Variants in MMP28 observed in about 807,000 individuals in gnomAD.
MMP28 encodes matrix metallopeptidase 28.
Under a neutral mutation model 60.5 loss-of-function variants are expected in MMP28, and 55 were observed. The ratio of observed to expected loss-of-function variants is 0.91; its 90% CI spans 0.73 to 1.14. The LOEUF (loss-of-function observed/expected upper bound fraction) is 1.14. Among genes scored for constraint, MMP28 ranks in the 50% most tolerant of loss-of-function variants. The pLI is 0.00. For missense variants in MMP28, 686 were observed against 738.3 expected (o/e 0.93, Z 0.82); for synonymous variants, 318 against 312.5 (o/e 1.02, Z -0.18).
chr17:35,785,638 G>A (rs1437285302), intron 1 of MMP28, among the ~76,000 whole-genome samples: 2 of 152,054 alleles, frequency 1.3e-5, no homozygotes, highest in Non-Finnish European at 2.9e-5. Flanking sequence ...TAGTAGAGAT[G>A]GGGTTTCACC....
chr17:35,769,098 A>T (rs936080166), intron 5 of MMP28, among the ~76,000 whole-genome samples: 1 of 152,166 alleles, frequency 6.6e-6, no homozygotes, highest in Non-Finnish European at 1.5e-5. Context: ...AGAGTCCAAC[A>T]AGCTTATTAT....
chr17:35,792,647 C>T lies in MMP28; in HGVS notation c.111+2620G>A, dbSNP rs148671523. On this transcript the variant is annotated intron_variant, in intron 1 of 7. Transcript: ENST00000605424. ...TCTCTTTAGGAATTGCAGCTCTGTG[C>T]TGTCTGTTGTCCAATGCTGAAAATA... 5.3e-5 allele frequency among the ~76,000 whole-genome samples: 8 copies of T among 152,312 alleles called. No individual in the cohort carries two copies. In the East Asian group the frequency reaches 1.2e-3, roughly 22 times the overall value.
chr17:35,769,762 CG>C (rs1428363214), intron 5 of MMP28, among the ~76,000 whole-genome samples: 1 of 69,814 alleles, frequency 1.4e-5, no homozygotes, highest in African/African-American at 5.8e-5. Flanking sequence ...GCGGGAGCTG[CG>C]GGGGCTGGGG....
chr17:35,764,820 C>CAGAGCCCAGCATAACCT (rs2085903416), downstream of MMP28: 2 of 549,058 alleles, frequency 3.6e-6, no homozygotes, highest in Non-Finnish European at 6.1e-6. Context: ...GCCCCCAGTG[C>CAGAGCCCAGCATAACCT]AGAGCCCAGC....
intron 1 of MMP28, among the ~76,000 whole-genome samples, chr17:35,790,584 AT>A (rs2086785048): frequency 2.0e-5 from 3 of 152,230 alleles, no homozygotes; most frequent in African/African-American, 7.2e-5. Flanking sequence ...TCTATTCATT[AT>A]TGGGAGAGTG....
At position 35,770,271 on chromosome 17, in the gene MMP28, C is replaced by T; in HGVS notation, c.646G>A (p.Ala216Thr). The change falls in exon 5 of 8, where the codon GCG becomes ACG. Residue 216 changes from alanine to threonine, a missense_variant. Transcript: ENST00000605424. Reference sequence around the variant, plus strand: ...CAGCGCTCATCTTGGTCGAAGTGCGCTTCGCCGCGGCGGGGCAGGAAGGCG... The same window carrying T: ...CAGCGCTCATCTTGGTCGAAGTGCGTTTCGCCGCGGCGGGGCAGGAAGGCG... ...AHAFLPRRGE[A>T]HFDQDERWSL... The T allele has an allele frequency of 6.4e-7, 1 of 1,569,574 alleles. No homozygotes were observed. Among genetic ancestry groups the T allele is most frequent in the Non-Finnish European group, 8.6e-7 (1 of 1,165,538 alleles).
At chr17:35,765,351 A>G (rs1316468673), downstream of MMP28, among the ~76,000 whole-genome samples, 1 of 152,194 alleles carries the variant, frequency 6.6e-6, no homozygotes, top group African/African-American at 2.4e-5. Context: ...AGTGCTGTGC[A>G]TATGAGGCAC....
chr17:35,782,346 C>T (rs915080570), intron 1 of MMP28, among the ~76,000 whole-genome samples: 3 of 152,126 alleles, frequency 2.0e-5, no homozygotes, highest in African/African-American at 4.8e-5. Context: ...TGAGCCACCG[C>T]GCCCAGCCAC....
intron 2 of MMP28, chr17:35,758,037 A>T (rs1316773920): frequency 1.3e-5 from 2 of 152,204 alleles, no homozygotes; most frequent in Non-Finnish European, 2.9e-5. Flanking sequence ...GAAGTTAAGG[A>T]GCTATTTATA....
chr17:35,767,237 T>C (rs539576192), intron 7 of MMP28, among the ~76,000 whole-genome samples: 101 of 152,300 alleles, frequency 6.6e-4, no homozygotes, highest in African/African-American at 2.3e-3. Context: ...TCCAACCACG[T>C]CTAGTGCATA....
At chr17:35,785,065 C>T (rs1056012972) in intron 1 of MMP28, among the ~76,000 whole-genome samples, 1 of 152,108 alleles carries the variant, frequency 6.6e-6, no homozygotes, top group Non-Finnish European at 1.5e-5. Flanking sequence ...TTCTGAAAGT[C>T]CCTGGGAGTG....
At chr17:35,774,007 C>T (rs757195994) in intron 3 of MMP28, among the ~76,000 whole-genome samples, 3 of 152,240 alleles carry the variant, frequency 2.0e-5, no homozygotes, top group Admixed American at 6.5e-5. Context: ...TCTTTCCTGC[C>T]CCTCTCCTCC....
At chr17:35,765,788 T>C, downstream of MMP28, 1 of 928,010 alleles carries the variant, frequency 1.1e-6, no homozygotes, top group Non-Finnish European at 1.3e-6. Context: ...TGGAAGAGCA[T>C]GGCCCTGGCC....
Position 35,770,325 on chromosome 17 carries a change from C to A in MMP28, c.605-13G>T. 3 of 1,493,594 alleles carry A rather than the reference C, an allele frequency of 2.0e-6. No individual in the cohort carries two copies. Among genetic ancestry groups the A allele is most frequent in the Non-Finnish European group, 1.8e-6 (2 of 1,130,418 alleles). 92.5% of individuals were successfully genotyped at this position (1,493,594 alleles called of 1,614,324 possible). A position where few individuals can be genotyped will look rare whatever the true frequency, so the allele number is the denominator to read the frequency against. On this transcript the variant is annotated splice_polypyrimidine_tract_variant and intron_variant, in intron 4 of 7. Transcript: ENST00000605424. ...GCCAGGGCGCCCCCTGCAGGTGGGG[C>A]AGAAGGTCAGGGGGTGCCACGGCCC...
At chr17:35,772,065 T>C (rs1317366215) in intron 4 of MMP28, among the ~76,000 whole-genome samples, 1 of 151,696 alleles carries the variant, frequency 6.6e-6, no homozygotes, top group Non-Finnish European at 1.5e-5. Context: ...AAGATGGGGG[T>C]GCTAGACTAA....
At chr17:35,768,027 A>C in intron 6 of MMP28, 108 bp from the exon 7 acceptor site, 1 of 1,378,174 alleles carries the variant, frequency 7.3e-7, no homozygotes. Context: ...AGCATAGGGT[A>C]TGGTGTGTAC....
chr17:35,770,009 A>G (rs1467913646), intron 5 of MMP28, 58 bp downstream of exon 5: 2 of 1,487,914 alleles, frequency 1.3e-6, no homozygotes, highest in Admixed American at 5.0e-5. Flanking sequence ...GCGTTCAAGG[A>G]CAGGAGGCCT....
In MMP28 at chr17:35,770,300, G is replaced by T; in HGVS notation, c.617C>A (p.Ala206Glu). 1 of 1,523,322 alleles carries T rather than the reference G, an allele frequency of 6.6e-7. No individual in the cohort carries two copies. Among genetic ancestry groups the T allele is most frequent in the East Asian group, 2.4e-5 (1 of 41,592 alleles). The allele number at this position is 1,523,322 out of a possible 1,614,324, so 94.4% of individuals were successfully genotyped here. The change falls in exon 5 of 8, where the codon GCG (alanine) becomes GAG (glutamate). Residue 206 changes from alanine (A) to glutamate (E), a missense_variant. Physicochemically the swap from Ala to Glu is moderately radical, Grantham distance 107. Coordinates refer to ENST00000605424, the MANE Select transcript of MMP28 (RefSeq NM_024302.5). ...GCCGCGGCGGGGCAGGAAGGCGTGC[G>T]CCAGGGCGCCCCCTGCAGGTGGGGC... ...NAFDGPGGAL[A>E]HAFLPRRGEA...
At chr17:35,761,255 C>T (rs1273377567), downstream of MMP28, among the ~76,000 whole-genome samples, 3 of 151,566 alleles carry the variant, frequency 2.0e-5, no homozygotes, top group Non-Finnish European at 4.4e-5. Context: ...AGGAGCATGC[C>T]ACAACACCCA....
Sources: allele counts gnomAD v4.1 joint callset (sites outside exome capture counted in the v4.1 genomes callset), GRCh38; gene constraint gnomAD v4.1.1; transcripts MANE v1.5; gene names NCBI Gene and HGNC (gene_info 2026-07-23, HGNC 2026-07-21).